The following LGI4 variants were observed in gnomAD, a reference collection of about 807,000 sequenced individuals.
LGI4 encodes the protein leucine rich repeat LGI family member 4, also known as leucine-rich repeat LGI family member 4.
In LGI4, 36 loss-of-function variants were observed where a neutral mutation model predicts 48.3. That is an observed-to-expected ratio of 0.75 (90% CI 0.57 to 0.98). The LOEUF is 0.98. LGI4 is among the 50% of genes least tolerant of loss of function. The pLI is 0.00. For synonymous variants in LGI4, 355 were observed against 331.6 expected (o/e 1.07, Z -0.77); for missense variants, 701 against 732.1 (o/e 0.96, Z 0.49).
intron 2 of LGI4, 99 bp from the exon 3 acceptor site, chr19:35,133,863 C>G (rs1406998153): frequency 1.5e-6 from 2 of 1,378,784 alleles, no homozygotes; most frequent in Admixed American, 4.0e-5. Context: ...CATGGGCACG[C>G]AGGTGTGAGT....
At chr19:35,127,633 G>A (rs1314214588) in intron 6 of LGI4, among the ~76,000 whole-genome samples, 3 of 152,046 alleles carry the variant, frequency 2.0e-5, no homozygotes, top group African/African-American at 4.8e-5. Flanking sequence ...TAATCTGCCC[G>A]CCTCGGCCTC....
chr19:35,131,643 A>G (rs934513928), intron 5 of LGI4, 88 bp from the exon 6 acceptor site: 2 of 1,488,102 alleles, frequency 1.3e-6, no homozygotes, highest in African/African-American at 2.8e-5. Context: ...AAGTGTCCCC[A>G]GAGATGGGGC....
chr19:35,134,342 T>G (rs972834012), intron 1 of LGI4, among the ~76,000 whole-genome samples, 169 bp downstream of exon 1: 10 of 152,198 alleles, frequency 6.6e-5, no homozygotes, highest in Admixed American at 1.3e-4. Flanking sequence ...CTTCTGCTCC[T>G]TCCCAGATGC....
Position 35,126,590 on chromosome 19 carries a change from CT to C in LGI4, c.978del (p.Gln328AsnfsTer142). On this transcript the variant is annotated frameshift_variant, in exon 8 of 9. Coordinates refer to ENST00000310123, the MANE Select transcript of LGI4 (RefSeq NM_139284.3). LOFTEE classifies it high-confidence loss of function. ...RPNDAELLWL[E>X]GQPCFVVADA... Reference sequence around the variant, plus strand: ...TCGGCCACCACGAAGCAGGGTTGCCCTTCCAGCCACAGGAGCTCGGCGTCAT... The same window carrying C: ...TCGGCCACCACGAAGCAGGGTTGCCCTCCAGCCACAGGAGCTCGGCGTCAT... The C allele has an allele frequency of 6.5e-7, 1 of 1,541,100 alleles. No individual in the cohort carries two copies. Among genetic ancestry groups the C allele is most frequent in the South Asian group, 1.2e-5 (1 of 84,364 alleles).
Position 35,125,475 on chromosome 19 carries a change from C to A in LGI4, c.1332G>T (p.Leu444=). The stretch of plus-strand genomic sequence containing the variant: ...CACCGCGCGAGGGAAGTTGCTGCAG[C>A]AGACGAAACATGGAGCCGTCCCAGC... ...VMRWDGSMFR[L]LQQLPSRGAH... is the part of the protein sequence containing the mutation. The change falls in exon 9 of 9, where the codon CTG becomes CTT. Residue 444 remains leucine, a synonymous_variant. Coordinates refer to ENST00000310123, the MANE Select transcript of LGI4 (RefSeq NM_139284.3). The A allele has an allele frequency of 1.3e-6, 2 of 1,583,198 alleles. No homozygotes were observed. Among genetic ancestry groups the A allele is most frequent in the South Asian group, 1.1e-5 (1 of 87,590 alleles).
intron 3 of LGI4, 68 bp downstream of exon 3, chr19:35,133,625 C>T (rs757450677): frequency 3.4e-5 from 51 of 1,522,068 alleles, no homozygotes; most frequent in South Asian, 1.3e-4. Context: ...TCTCCCCCTA[C>T]TCTGGGAGCC....
intron 2 of LGI4, 120 bp downstream of exon 2, chr19:35,133,913 T>C (rs2065192010): frequency 2.3e-6 from 3 of 1,284,204 alleles, no homozygotes; most frequent in Non-Finnish European, 3.3e-6. Flanking sequence ...GACGTGTGCA[T>C]ACACCCCCAC....
rs535038102 is a variant in LGI4 at position 35,126,762 on chromosome 19, C to T, written c.807G>A (p.Val269=). ...PEEELPAASV[V]SCKPLVLGPS... is the part of the protein sequence containing the mutation. ...GGCCCAGCACCAGTGGCTTGCAGGA[C>T]ACCACGGAGGCCGCTGTGGGGAGGT... Residue 269 remains valine (V), a synonymous_variant, in exon 8 of 9, where the codon GTG becomes GTA. Transcript: ENST00000310123. 1.3e-6 allele frequency: 2 copies of T among 1,545,198 alleles called. No individual in the cohort carries two copies. Among genetic ancestry groups the T allele is most frequent in the South Asian group, 2.4e-5 (2 of 84,566 alleles).
chr19:35,126,817 C>A, intron 7 of LGI4, 36 bp downstream of exon 7: 1 of 1,596,668 alleles, frequency 6.3e-7, no homozygotes. Flanking sequence ...GCCAGGCAGG[C>A]TGCTGGACAG....
chr19:35,134,205 G>A, intron 1 of LGI4, 101 bp from the exon 2 acceptor site: 1 of 1,076,134 alleles, frequency 9.3e-7, no homozygotes, highest in Non-Finnish European at 1.4e-6. Context: ...GTGCCACCCT[G>A]ACCCTGGATG....
chr19:35,125,456 G>A lies in LGI4; in HGVS notation c.1351C>T (p.Arg451Cys), dbSNP rs371440850. Residue 451 changes from arginine (R) to cysteine (C), a missense_variant, in exon 9 of 9, where the codon CGC becomes TGC. By Grantham distance (180) the Arg-to-Cys change is radical. Transcript: ENST00000310123. ...MFRLLQQLPS[R>C]GAHVFQPLLI... The stretch of plus-strand genomic sequence containing the variant: ...AGTGGCTGGAAGACGTGGGCACCGC[G>A]CGAGGGAAGTTGCTGCAGCAGACGA... 6.3e-7 allele frequency: 1 copy of A among 1,596,704 alleles called. No homozygotes were observed. The highest frequency in any genetic ancestry group is 1.1e-5 in the South Asian group (1 of 89,356).
At position 35,133,245 on chromosome 19, in the gene LGI4, C is replaced by A. The variant is rs970094497; in HGVS notation, c.314+448G>T. On this transcript the variant is annotated intron_variant, in intron 3 of 8. Coordinates refer to ENST00000310123, the MANE Select transcript of LGI4 (RefSeq NM_139284.3). ...AGCATTGTCATGCTGTGACTGCCAC[C>A]GCTGCCACCATCACCACCACTACCC... 1.2e-5 allele frequency: 8 copies of A among 666,470 alleles called. No individual in the cohort carries two copies. The Admixed American group carries it at 2.8e-4, about 23-fold the overall frequency. 41.3% of individuals were successfully genotyped at this position (666,470 alleles called of 1,614,324 possible). A position where few individuals can be genotyped will look rare whatever the true frequency, so the allele number is the denominator to read the frequency against.
rs1033296988 is a variant in LGI4 at position 35,124,702 on chromosome 19, C to A, written c.*491G>T. The A allele has an allele frequency of 6.5e-6, 1 of 152,740 alleles. No homozygotes were observed. Among genetic ancestry groups the A allele is most frequent in the Non-Finnish European group, 1.5e-5 (1 of 68,400 alleles). 9.5% of individuals were successfully genotyped at this position (152,740 alleles called of 1,614,324 possible). On this transcript the variant is annotated 3_prime_UTR_variant, in exon 9 of 9. Coordinates refer to ENST00000310123, the MANE Select transcript of LGI4 (RefSeq NM_139284.3). Reference sequence around the variant, plus strand: ...CATGCGCACAAGCAGCAGAGGGGAACCCGCCCAGTGCTGAGTTGTCTTCGA... The same window carrying A: ...CATGCGCACAAGCAGCAGAGGGGAAACCGCCCAGTGCTGAGTTGTCTTCGA...
At chr19:35,129,032 C>T (rs1194546014) in intron 6 of LGI4, among the ~76,000 whole-genome samples, 1 of 152,162 alleles carries the variant, frequency 6.6e-6, no homozygotes, top group East Asian at 1.9e-4. Flanking sequence ...GTAGTTATCA[C>T]AACGTATAGC....
In LGI4 at chr19:35,134,522, G is replaced by A; in HGVS notation, c.159C>T (p.Thr53=). 1 of 1,582,116 alleles carries A rather than the reference G, an allele frequency of 6.3e-7. No homozygotes were observed. Among genetic ancestry groups the A allele is most frequent in the Non-Finnish European group, 8.6e-7 (1 of 1,164,624 alleles). The change falls in exon 1 of 9, where the codon ACC becomes ACT. Residue 53 remains threonine, a synonymous_variant. Transcript: ENST00000310123. Reference sequence around the variant, plus strand: ...GGCTGGACACTCACAGTGACAGCAGGGTCGGAGAGAAGCTGACGGGCAGGT... The same window carrying A: ...GGCTGGACACTCACAGTGACAGCAGAGTCGGAGAGAAGCTGACGGGCAGGT... ...SPDLPVSFSP[T]LLSLSLVRTG...
At chr19:35,130,144 G>A (rs1403153302) in intron 6 of LGI4, among the ~76,000 whole-genome samples, 2 of 152,040 alleles carry the variant, frequency 1.3e-5, no homozygotes, top group Non-Finnish European at 2.9e-5. Context: ...CATCCCCCTC[G>A]CTGAGATAGT....
In LGI4 at chr19:35,125,229, C is replaced by A; in HGVS notation, c.1578G>T (p.Gln526His). 6.4e-7 allele frequency: 1 copy of A among 1,555,974 alleles called. No homozygotes were observed. Among genetic ancestry groups the A allele is most frequent in the Non-Finnish European group, 8.7e-7 (1 of 1,148,422 alleles). ...LFAACFKGPT[Q>H]IYQHHEIDLS... ...GGTCGATCTCGTGATGCTGGTAGAT[C>A]TGTGTGGGGCCCTTAAAGCAAGCAG... Residue 526 changes from glutamine to histidine, a missense_variant, in exon 9 of 9, where the codon CAG (glutamine) becomes CAT (histidine). By Grantham distance (24) the Gln-to-His change is conservative. Transcript: ENST00000310123.
intron 1 of LGI4, 96 bp from the exon 2 acceptor site, chr19:35,134,200 AC>A: frequency 8.8e-7 from 1 of 1,130,564 alleles, no homozygotes; most frequent in Non-Finnish European, 1.3e-6. Context: ...CCAGCGTGCC[AC>A]CCTGACCCTG....
chr19:35,126,595 A>T lies in LGI4; in HGVS notation c.974T>A (p.Leu325Gln). 6.5e-7 allele frequency: 1 copy of T among 1,541,826 alleles called. No homozygotes were observed. Among genetic ancestry groups the T allele is most frequent in the Non-Finnish European group, 8.7e-7 (1 of 1,149,632 alleles). ...CACCACGAAGCAGGGTTGCCCTTCCAGCCACAGGAGCTCGGCGTCATTGGG... is the reference window on the plus strand; with the variant it reads ...CACCACGAAGCAGGGTTGCCCTTCCTGCCACAGGAGCTCGGCGTCATTGGG... ...LRPNDAELLW[L>Q]EGQPCFVVAD... Residue 325 changes from leucine (L) to glutamine (Q), a missense_variant, in exon 8 of 9, where the codon CTG becomes CAG. By Grantham distance (113) the Leu-to-Gln change is moderately radical. Transcript: ENST00000310123.
Sources: gnomAD v4.1 joint callset for allele counts (sites outside exome capture counted in the v4.1 genomes callset) on GRCh38, gnomAD v4.1.1 for gene constraint, MANE v1.5 for transcripts, NCBI Gene and HGNC (gene_info 2026-07-23, HGNC 2026-07-21) for gene names.